KMT2C: variants seen among roughly 807,000 people sequenced by gnomAD.
KMT2C encodes the protein lysine methyltransferase 2C, also known as histone-lysine N-methyltransferase 2C.
A neutral mutation model predicts 507.9 loss-of-function variants in KMT2C; 88 were observed. The observed-to-expected ratio is 0.17, with a 90% CI of 0.15 to 0.21. The LOEUF (loss-of-function observed/expected upper bound fraction) is 0.21. KMT2C is among the 10% of genes least tolerant of loss of function. KMT2C has a pLI of 1.00. For missense variants in KMT2C, 4,954 were observed against 5,957.8 expected (o/e 0.83, Z 5.55); for synonymous variants, 2,049 against 2,080.8 (o/e 0.98, Z 0.42).
chr7:152,186,839 C>T (rs562366556), intron 33 of KMT2C, among the ~76,000 whole-genome samples: 1 of 152,006 alleles, frequency 6.6e-6, no homozygotes, highest in Non-Finnish European at 1.5e-5. Flanking sequence ...GTGGTAATAG[C>T]TGGGCAGTCA....
rs1420088257 is a variant in KMT2C at position 152,148,220 on chromosome 7, G to A, written c.13707C>T (p.Phe4569=). The A allele has an allele frequency of 1.2e-6, 2 of 1,614,250 alleles. No homozygotes were observed. Among genetic ancestry groups the A allele is most frequent in the South Asian group, 1.1e-5 (1 of 91,088 alleles). The change falls in exon 52 of 59, where the codon TTC becomes TTT. Residue 4569 remains phenylalanine, a synonymous_variant. Transcript: ENST00000262189. This position sits in a 1 kb window ranked among gnomAD's most constrained non-coding sequence, Gnocchi z 7.1. ...GQLLPQQMQA[F]HSPKALFPVG... ...CAGGGAAGAGTGCTTTAGGAGAATG[G>A]AATGCTTGCATCTGCTGTGGAAGCA... is the stretch of plus-strand genomic sequence containing the variant.
chr7:152,205,709 A>T lies in KMT2C; in HGVS notation c.3842-484T>A, dbSNP rs185812365. The stretch of plus-strand genomic sequence containing the variant: ...CGTAGCACAATTACTTTATTTTTTT[A>T]AATGAATTTAGCGTACCATACAGCC... On this transcript the variant is annotated intron_variant, in intron 24 of 58. Coordinates refer to ENST00000262189, the MANE Select transcript of KMT2C (RefSeq NM_170606.3). Among the ~76,000 whole-genome samples, 100 of 152,320 alleles carry T rather than the reference A, an allele frequency of 6.6e-4. 1 individual carries two copies. The highest frequency in any genetic ancestry group is 2.1e-3 in the African/African-American group (87 of 41,566).
chr7:152,338,967 C>A (rs1231895467), intron 2 of KMT2C, among the ~76,000 whole-genome samples: 1 of 152,168 alleles, frequency 6.6e-6, no homozygotes, highest in Non-Finnish European at 1.5e-5. Context: ...GCCAAGTTCA[C>A]AGAAATAAAG....
At position 152,188,152 on chromosome 7, in the gene KMT2C, T is replaced by A. The variant is rs2093679191; in HGVS notation, c.4661-305A>T. Among the ~76,000 whole-genome samples the A allele has an allele frequency of 2.0e-5, 3 of 152,228 alleles. No homozygotes were observed. The South Asian group carries it at 6.2e-4, about 32-fold the overall frequency. On this transcript the variant is annotated intron_variant, in intron 31 of 58. Coordinates refer to ENST00000262189, the MANE Select transcript of KMT2C (RefSeq NM_170606.3). Reference sequence around the variant, plus strand: ...ATGCTTATACTTCTAAATCAAAACCTTTAATGCAATTTAAAAGTAGGATTT... The same window carrying A: ...ATGCTTATACTTCTAAATCAAAACCATTAATGCAATTTAAAAGTAGGATTT...
chr7:152,262,969 A>G, intron 9 of KMT2C, 47 bp downstream of exon 9: 1 of 1,419,588 alleles, frequency 7.0e-7, no homozygotes, highest in Middle Eastern at 1.8e-4. Flanking sequence ...TGGTCTCCAT[A>G]TAAAACATAG....
chr7:152,306,534 T>C (rs1165945992), intron 6 of KMT2C, among the ~76,000 whole-genome samples: 1 of 152,210 alleles, frequency 6.6e-6, no homozygotes, highest in African/African-American at 2.4e-5. Flanking sequence ...GGCATTTAGT[T>C]TGTTTCCAAT....
At chr7:152,238,376 CT>C (rs1341347012) in intron 15 of KMT2C, among the ~76,000 whole-genome samples, 1 of 149,120 alleles carries the variant, frequency 6.7e-6, no homozygotes, top group East Asian at 2.0e-4. Flanking sequence ...ATTAATGGAG[CT>C]TTTTCTTTTG....
chr7:152,205,666 TCACCGTAGTTATAA>T (rs569906818), intron 24 of KMT2C, among the ~76,000 whole-genome samples: 333 of 152,266 alleles, frequency 2.2e-3, no homozygotes, highest in African/African-American at 7.4e-3. Context: ...CATACAGACA[TCACCGTAGTTATAA>T]CACCGTAGCA....
Position 152,180,822 on chromosome 7 carries a change from G to A in KMT2C, c.7038C>T (p.Gly2346=), listed in dbSNP as rs2129119187. The A allele has an allele frequency of 6.2e-7, 1 of 1,614,160 alleles. No homozygotes were observed. The highest frequency in any genetic ancestry group is 8.5e-7 in the Non-Finnish European group (1 of 1,180,010). Residue 2346 remains glycine (G), a synonymous_variant, in exon 36 of 59, where the codon GGC becomes GGT. Transcript: ENST00000262189. The part of the protein sequence containing the change: ...ASSNSPMHSQ[G]QQFSGVSQLP... ...GTTGGGAGACACCAGAGAACTGCTG[G>A]CCTTGGGAGTGCATTGGAGAGTTTG... is the stretch of plus-strand genomic sequence containing the variant.
chr7:152,369,932 T>C (rs2097280440), intron 1 of KMT2C, among the ~76,000 whole-genome samples: 1 of 151,810 alleles, frequency 6.6e-6, no homozygotes, highest in Admixed American at 6.6e-5. Context: ...GACAATAAGG[T>C]TGGGTGCGGT....
chr7:152,263,378 G>T (rs1194884789), intron 8 of KMT2C, among the ~76,000 whole-genome samples: 1 of 152,200 alleles, frequency 6.6e-6, no homozygotes, highest in African/African-American at 2.4e-5. Flanking sequence ...AAGGAGGAAG[G>T]GTTAAGGCAA....
At chr7:152,164,383 G>C (rs1204703858) in intron 42 of KMT2C, among the ~76,000 whole-genome samples, 1 of 150,164 alleles carries the variant, frequency 6.7e-6, no homozygotes, top group Admixed American at 6.7e-5. Flanking sequence ...TCCGCCTCCC[G>C]GGTTCACGCC....
intron 2 of KMT2C, among the ~76,000 whole-genome samples, chr7:152,331,225 C>T (rs1424137261): frequency 6.6e-6 from 1 of 151,888 alleles, no homozygotes; most frequent in Non-Finnish European, 1.5e-5. Flanking sequence ...GAAGGATATG[C>T]CTTGAACCTG....
At chr7:152,282,615 CACAAAGT>C (rs1183147266) in intron 6 of KMT2C, among the ~76,000 whole-genome samples, 1 of 151,956 alleles carries the variant, frequency 6.6e-6, no homozygotes, top group Non-Finnish European at 1.5e-5. Flanking sequence ...AAGCCAATTA[CACAAAGT>C]ACAAACATAG....
intron 55 of KMT2C, among the ~76,000 whole-genome samples, chr7:152,141,782 G>T (rs1268144493): frequency 6.6e-6 from 1 of 151,862 alleles, no homozygotes; most frequent in Non-Finnish European, 1.5e-5. Context: ...ACTTTGGGAG[G>T]CCGAGGCAGG....
At position 152,182,256 on chromosome 7, in the gene KMT2C, A is replaced by G. The variant is rs2093458510; in HGVS notation, c.5604T>C (p.Leu1868=). ...GTGGCTGAGAAGTCTGAGCCTGAGAAAGACTATCCTGGATGGGAATCCGGG... is the reference window on the plus strand; with the variant it reads ...GTGGCTGAGAAGTCTGAGCCTGAGAGAGACTATCCTGGATGGGAATCCGGG... ...APSRIPIQDS[L]SQAQTSQPPS... Residue 1868 remains leucine (L), a synonymous_variant, in exon 36 of 59, where the codon CTT becomes CTC. Transcript: ENST00000262189. The G allele has an allele frequency of 3.7e-6, 6 of 1,613,968 alleles. No homozygotes were observed. The highest frequency in any genetic ancestry group is 5.1e-6 in the Non-Finnish European group (6 of 1,180,002).
chr7:152,271,217 A>G (rs1797316776), intron 7 of KMT2C, among the ~76,000 whole-genome samples: 2 of 152,212 alleles, frequency 1.3e-5, no homozygotes, highest in Admixed American at 1.3e-4. Flanking sequence ...CTGCCATGAC[A>G]CACAATTAGG....
In KMT2C at chr7:152,138,683, G is replaced by C; in HGVS notation, c.14643+113C>G. On this transcript the variant is annotated intron_variant, in intron 58 of 58. Coordinates refer to ENST00000262189, the MANE Select transcript of KMT2C (RefSeq NM_170606.3). This position sits in a 1 kb window ranked among gnomAD's most constrained non-coding sequence, Gnocchi z 4.2. ...GAACATCTGGCCTATTATGGACAGA[G>C]TTTTTATCACAACAAAGAATTGGGA... is the stretch of plus-strand genomic sequence containing the variant. 1.4e-6 allele frequency: 1 copy of C among 731,522 alleles called. No homozygotes were observed. Among genetic ancestry groups the C allele is most frequent in the Non-Finnish European group, 2.3e-6 (1 of 428,656 alleles). 45.3% of individuals were successfully genotyped at this position (731,522 alleles called of 1,614,324 possible).
chr7:152,250,867 C>T lies in KMT2C; in HGVS notation c.1721G>A (p.Gly574Glu). Residue 574 changes from glycine to glutamate, a missense_variant, in exon 12 of 59, where the codon GGA becomes GAA. By Grantham distance (98) the Gly-to-Glu change is moderately conservative. Transcript: ENST00000262189. The part of the protein sequence containing the change: ...KDVNGQESTP[G>E]IVPDAVQVHT... Reference sequence around the variant, plus strand: ...AACATTCTTACCATCTGGAACAATTCCAGGAGTGGACTCCTGACCGTTGAC... The same window carrying T: ...AACATTCTTACCATCTGGAACAATTTCAGGAGTGGACTCCTGACCGTTGAC... 1 of 1,573,814 alleles carries T rather than the reference C, an allele frequency of 6.4e-7. No homozygotes were observed.
Sources: allele counts gnomAD v4.1 joint callset (sites outside exome capture counted in the v4.1 genomes callset), GRCh38; gene constraint gnomAD v4.1.1; non-coding constraint Gnocchi (gnomAD v3.1); transcripts MANE v1.5; gene names NCBI Gene and HGNC (gene_info 2026-07-23, HGNC 2026-07-21).